Variants in PDHX observed in about 807,000 individuals in gnomAD.
PDHX encodes the protein pyruvate dehydrogenase complex component X, also known as pyruvate dehydrogenase protein X component, mitochondrial.
Under a neutral mutation model 55.3 loss-of-function variants are expected in PDHX, and 33 were observed. That is an observed-to-expected ratio of 0.60 (90% CI 0.45 to 0.80). PDHX has a LOEUF of 0.80. PDHX is among the 30% of genes least tolerant of loss of function. PDHX has a pLI of 0.00. For missense variants in PDHX, 622 were observed against 619.9 expected (o/e 1.00, Z -0.04); for synonymous variants, 226 against 219.4 (o/e 1.03, Z -0.27).
chr11:34,933,097 G>A (rs1854217259), intron 2 of PDHX, among the ~76,000 whole-genome samples: 1 of 152,212 alleles, frequency 6.6e-6, no homozygotes, highest in African/African-American at 2.4e-5. Flanking sequence ...AGGGAACCGT[G>A]TGGGGGAGAA....
At chr11:34,954,566 C>G (rs954372299) in intron 3 of PDHX, among the ~76,000 whole-genome samples, 6 of 152,168 alleles carry the variant, frequency 3.9e-5, no homozygotes, top group African/African-American at 1.4e-4. Context: ...TTGATGTTTG[C>G]CCTTTAGTGC....
intron 7 of PDHX, among the ~76,000 whole-genome samples, chr11:34,972,590 T>G (rs2732558): frequency 0.7 from 106,451 of 151,708 alleles, 37,528 homozygotes; most frequent in Middle Eastern, 0.77. Flanking sequence ...CTAGAGACGG[T>G]GTTTTAGCAT....
chr11:34,968,863 A>T (rs1855193093), intron 6 of PDHX, among the ~76,000 whole-genome samples: 1 of 152,102 alleles, frequency 6.6e-6, no homozygotes, highest in Non-Finnish European at 1.5e-5. Flanking sequence ...ATCTTCTCAA[A>T]TTTATTGAGA....
At chr11:34,933,741 G>A (rs1854233672) in intron 2 of PDHX, among the ~76,000 whole-genome samples, 1 of 152,120 alleles carries the variant, frequency 6.6e-6, no homozygotes, top group African/African-American at 2.4e-5. Context: ...GTGCAGATGA[G>A]CTTTTAATAT....
rs945157085 is a variant in PDHX, at chr11:34,940,107, C to G, written c.242-7399C>G. ...GAGAATATTTGAGGTTATGAAAAAC[C>G]TTGTTTTTTTTCCTCAGAATATTTG... On this transcript the variant is annotated intron_variant, in intron 2 of 10. Coordinates refer to ENST00000227868, the MANE Select transcript of PDHX (RefSeq NM_003477.3). 4.3e-4 allele frequency among the ~76,000 whole-genome samples: 65 copies of G among 152,156 alleles called. 1 individual carries two copies. The highest frequency in any genetic ancestry group is 1.6e-3 in the African/African-American group (65 of 41,526).
At chr11:34,920,123 G>A (rs1033496951) in intron 1 of PDHX, among the ~76,000 whole-genome samples, 1 of 152,152 alleles carries the variant, frequency 6.6e-6, no homozygotes, top group Admixed American at 6.5e-5. Flanking sequence ...AGAGACCAGA[G>A]TGATCATTAT....
chr11:34,931,542 T>TTG, intron 2 of PDHX, 58 bp downstream of exon 2: 2 of 767,862 alleles, frequency 2.6e-6, no homozygotes, highest in African/African-American at 6.1e-5. Context: ...TTTTGTTTTG[T>TTG]TTTTTTTTTT....
intron 5 of PDHX, among the ~76,000 whole-genome samples, chr11:34,962,662 G>C (rs1163153040): frequency 6.6e-6 from 1 of 152,114 alleles, no homozygotes; most frequent in Non-Finnish European, 1.5e-5. Context: ...TTGAGTTGGA[G>C]GATACCTGGG....
chr11:34,925,450 T>C (rs1171075691), intron 1 of PDHX, among the ~76,000 whole-genome samples: 5 of 152,346 alleles, frequency 3.3e-5, no homozygotes, highest in African/African-American at 1.2e-4. Flanking sequence ...CTTCCAAAAT[T>C]GTATGCTGTT....
chr11:34,985,763 T>G (rs556838501), intron 9 of PDHX, among the ~76,000 whole-genome samples: 1 of 152,200 alleles, frequency 6.6e-6, no homozygotes, highest in African/African-American at 2.4e-5. Context: ...AAGGGAGATA[T>G]GAGGTAGAAC....
intron 1 of PDHX, among the ~76,000 whole-genome samples, chr11:34,921,322 T>C (rs919921448): frequency 6.6e-6 from 1 of 152,220 alleles, no homozygotes; most frequent in Non-Finnish European, 1.5e-5. Flanking sequence ...GGCTTTTCTT[T>C]CTCAGTGTCA....
At chr11:34,963,479 T>A (rs540036469) in intron 5 of PDHX, among the ~76,000 whole-genome samples, 1 of 152,238 alleles carries the variant, frequency 6.6e-6, no homozygotes, top group Admixed American at 6.5e-5. Flanking sequence ...GGTTTCTCAC[T>A]AGGTTGCCCA....
intron 6 of PDHX, among the ~76,000 whole-genome samples, chr11:34,967,945 A>G (rs866468062): frequency 1.3e-5 from 2 of 152,252 alleles, no homozygotes; most frequent in African/African-American, 4.8e-5. Flanking sequence ...ACTATGAAAT[A>G]TGTATAATTC....
intron 1 of PDHX, among the ~76,000 whole-genome samples, chr11:34,927,555 C>G (rs930440309): frequency 3.9e-5 from 6 of 151,994 alleles, no homozygotes; most frequent in Non-Finnish European, 5.9e-5. Context: ...TATGTGCAGG[C>G]CTGTCACTTC....
chr11:34,979,314 A>G (rs1855453539), intron 8 of PDHX, among the ~76,000 whole-genome samples: 1 of 152,098 alleles, frequency 6.6e-6, no homozygotes, highest in African/African-American at 2.4e-5. Context: ...AGGCAGGTGA[A>G]CATATGAGCC....
chr11:34,940,209 C>A (rs496653), intron 2 of PDHX, among the ~76,000 whole-genome samples: 120,007 of 152,112 alleles, frequency 0.79, 47,506 homozygotes, highest in East Asian at 0.8. Flanking sequence ...TTAGCCACAC[C>A]CACAGTGCCT....
At chr11:34,933,005 G>A (rs1258721631) in intron 2 of PDHX, among the ~76,000 whole-genome samples, 1 of 152,046 alleles carries the variant, frequency 6.6e-6, no homozygotes, top group Non-Finnish European at 1.5e-5. Context: ...AGAAAGAGGT[G>A]GCAGTGCTAA....
intron 10 of PDHX, among the ~76,000 whole-genome samples, chr11:34,993,288 G>T (rs969260919): frequency 6.6e-6 from 1 of 151,892 alleles, no homozygotes; most frequent in Admixed American, 6.6e-5. Flanking sequence ...TAAATGAACG[G>T]AAGTTCTGAG....
At chr11:34,939,370 A>T (rs564964874) in intron 2 of PDHX, among the ~76,000 whole-genome samples, 1 of 152,352 alleles carries the variant, frequency 6.6e-6, no homozygotes, top group East Asian at 1.9e-4. Flanking sequence ...CGAAGACTAG[A>T]TAAGTATTTG....
Sources: gnomAD v4.1 joint callset for allele counts (sites outside exome capture counted in the v4.1 genomes callset) on GRCh38, gnomAD v4.1.1 for gene constraint, MANE v1.5 for transcripts, NCBI Gene and HGNC (gene_info 2026-07-23, HGNC 2026-07-21) for gene names.